PRSS37: variants seen among roughly 807,000 people sequenced by gnomAD.
PRSS37 encodes the protein probable inactive serine protease 37.
In PRSS37, 25 loss-of-function variants were observed where a neutral mutation model predicts 28.0. That is an observed-to-expected ratio of 0.89 (90% CI 0.65 to 1.25). The LOEUF (loss-of-function observed/expected upper bound fraction) is 1.25. Among genes scored for constraint, PRSS37 ranks in the 50% most tolerant of loss-of-function variants. The pLI is 0.00. For synonymous variants in PRSS37, 109 were observed against 107.8 expected (o/e 1.01, Z -0.07); for missense variants, 282 against 292.2 (o/e 0.97, Z 0.25).
chr7:141,837,772 C>A, intron 3 of PRSS37, 88 bp downstream of exon 3: 1 of 1,560,636 alleles, frequency 6.4e-7, no homozygotes, highest in East Asian at 2.3e-5. Context: ...ACTCTCCTTT[C>A]CTCCTCTCTC....
chr7:141,840,311 A>G (rs990919179), intron 1 of PRSS37, among the ~76,000 whole-genome samples: 1 of 152,182 alleles, frequency 6.6e-6, no homozygotes, highest in African/African-American at 2.4e-5. Flanking sequence ...TCAGAAATAA[A>G]GCCCTCTTCT....
intron 4 of PRSS37, 97 bp downstream of exon 4, chr7:141,837,015 A>C: frequency 7.6e-7 from 1 of 1,324,336 alleles, no homozygotes; most frequent in Non-Finnish European, 1.1e-6. Context: ...AATTCTCAAA[A>C]AATTATTTAG....
At chr7:141,837,018 T>A in intron 4 of PRSS37, 94 bp downstream of exon 4, 1 of 1,325,938 alleles carries the variant, frequency 7.5e-7, no homozygotes, top group Non-Finnish European at 1.1e-6. Context: ...TCTCAAAAAA[T>A]TATTTAGACA....
intron 3 of PRSS37, 102 bp from the exon 4 acceptor site, chr7:141,837,350 T>C: frequency 7.2e-7 from 1 of 1,387,060 alleles, no homozygotes; most frequent in South Asian, 1.4e-5. Context: ...TTGTGTGTGT[T>C]TAAAGAAAAT....
At position 141,837,993 on chromosome 7, in the gene PRSS37, G is replaced by A; in HGVS notation, c.297C>T (p.Asp99=). 3 of 1,614,120 alleles carry A rather than the reference G, an allele frequency of 1.9e-6. No individual in the cohort carries two copies. Among genetic ancestry groups the A allele is most frequent in the Non-Finnish European group, 2.5e-6 (3 of 1,180,014 alleles). The change falls in exon 3 of 5, where the codon GAC becomes GAT. Residue 99 remains aspartate (D), a synonymous_variant. Transcript: ENST00000350549. ...GCTTAGCCAGCTTGATGAGCATGAGGTCATCCTGTGGGGCGCTATGACTGT... is the reference window on the plus strand; with the variant it reads ...GCTTAGCCAGCTTGATGAGCATGAGATCATCCTGTGGGGCGCTATGACTGT... ...WNYSHSAPQD[D]LMLIKLAKPA...
In PRSS37 at chr7:141,839,496, C is replaced by T. The variant is rs1356568086; in HGVS notation, c.35-17G>A. ...AAAATGTCCCTGAGAAAATAATGAACATTCTTAATACATAAATATTATAAA... is the reference window on the plus strand; with the variant it reads ...AAAATGTCCCTGAGAAAATAATGAATATTCTTAATACATAAATATTATAAA... On this transcript the variant is annotated splice_polypyrimidine_tract_variant and intron_variant, in intron 1 of 4. Transcript: ENST00000350549. 1.3e-6 allele frequency: 2 copies of T among 1,581,698 alleles called. No individual in the cohort carries two copies. Among genetic ancestry groups the T allele is most frequent in the African/African-American group, 1.4e-5 (1 of 73,982 alleles).
Position 141,837,194 on chromosome 7 carries a change from T to C in PRSS37, c.485A>G (p.Glu162Gly). 2 of 1,613,244 alleles carry C rather than the reference T, an allele frequency of 1.2e-6. No individual in the cohort carries two copies. The highest frequency in any genetic ancestry group is 2.2e-5 in the South Asian group (2 of 90,742). ...TTTTCCTTGTTCTGTTTTTTGGCATTCTCGATCAGACATCACGGGGGCCTC... is the reference window on the plus strand; with the variant it reads ...TTTTCCTTGTTCTGTTTTTTGGCATCCTCGATCAGACATCACGGGGGCCTC... ...NLEAPVMSDR[E>G]CQKTEQGKSH... Residue 162 changes from glutamate to glycine, a missense_variant, in exon 4 of 5, where the codon GAA (glutamate) becomes GGA (glycine). By Grantham distance (98) the Glu-to-Gly change is moderately conservative. Transcript: ENST00000350549.
Position 141,837,245 on chromosome 7 carries a change from C to G in PRSS37, c.434G>C (p.Arg145Pro). The G allele has an allele frequency of 6.2e-7, 1 of 1,602,152 alleles. No homozygotes were observed. Among genetic ancestry groups the G allele is most frequent in the Non-Finnish European group, 8.5e-7 (1 of 1,175,746 alleles). The change falls in exon 4 of 5, where the codon CGA (arginine) becomes CCA (proline). Residue 145 changes from arginine (R) to proline (P), a missense_variant. By Grantham distance (103) the Arg-to-Pro change is moderately radical. Coordinates refer to ENST00000350549, the MANE Select transcript of PRSS37 (RefSeq NM_001008270.3). ...CAGGTTCTGCCGCAAGTCAGGGTGT[C>G]GGCCTGAGGGAGACGGGGATAAAAT... ...GLDWSQENSG[R>P]HPDLRQNLEA...
chr7:141,841,367 T>C lies in PRSS37; in HGVS notation c.-318A>G. ...CACATCTGTTTGAAGGTAGTTCAGT[T>C]GTCTGTGGAAATGGCAGCTCTAGGC... is the stretch of plus-strand genomic sequence containing the variant. On this transcript the variant is annotated 5_prime_UTR_variant, in exon 1 of 5. Transcript: ENST00000350549. 2.9e-6 allele frequency: 1 copy of C among 344,548 alleles called. No homozygotes were observed. Among genetic ancestry groups the C allele is most frequent in the Admixed American group, 4.1e-5 (1 of 24,462 alleles). 21.3% of individuals were successfully genotyped at this position (344,548 alleles called of 1,614,324 possible).
At position 141,836,681 on chromosome 7, in the gene PRSS37, T is replaced by C. The variant is rs1024187189; in HGVS notation, c.568-146A>G. ...AAGAGCACCGAATCAGGGGACAGGATGCTTGAGCCTTTTTTCTCATTTTGC... is the reference window on the plus strand; with the variant it reads ...AAGAGCACCGAATCAGGGGACAGGACGCTTGAGCCTTTTTTCTCATTTTGC... On this transcript the variant is annotated intron_variant, in intron 4 of 4. Transcript: ENST00000350549. The C allele has an allele frequency of 4.7e-6, 4 of 848,308 alleles. No homozygotes were observed. The African/African-American group carries it at 6.9e-5, about 15-fold the overall frequency. The allele number at this position is 848,308 out of a possible 1,614,324, so 52.5% of individuals were successfully genotyped here.
At chr7:141,837,279 C>T in intron 3 of PRSS37, 31 bp from the exon 4 acceptor site, 2 of 1,570,398 alleles carry the variant, frequency 1.3e-6, no homozygotes, top group South Asian at 2.4e-5. Flanking sequence ...ATAAAACATC[C>T]TGTTGACAGT....
At chr7:141,840,017 G>T (rs1801103543) in intron 1 of PRSS37, among the ~76,000 whole-genome samples, 1 of 151,988 alleles carries the variant, frequency 6.6e-6, no homozygotes, top group Non-Finnish European at 1.5e-5. Flanking sequence ...AACAGCAAAA[G>T]AATATTAATG....
intron 3 of PRSS37, chr7:141,837,531 A>G (rs969742325): frequency 6.8e-7 from 1 of 1,464,884 alleles, no homozygotes; most frequent in Non-Finnish European, 9.2e-7. Flanking sequence ...TTACATGTGA[A>G]ATGAGCATGT....
chr7:141,840,084 CAA>C (rs928065823), intron 1 of PRSS37, among the ~76,000 whole-genome samples: 1 of 151,786 alleles, frequency 6.6e-6, no homozygotes, highest in African/African-American at 2.4e-5. Flanking sequence ...TGTCTAAAAA[CAA>C]ATAAATAAAA....
At chr7:141,837,821 C>T in intron 3 of PRSS37, 39 bp downstream of exon 3, 3 of 1,588,118 alleles carry the variant, frequency 1.9e-6, no homozygotes, top group Non-Finnish European at 1.7e-6. Context: ...TCCTAAAGGA[C>T]AACTGATGAC....
chr7:141,838,201 C>G (rs1801032024), intron 2 of PRSS37, 88 bp from the exon 3 acceptor site: 1 of 1,566,578 alleles, frequency 6.4e-7, no homozygotes, highest in Non-Finnish European at 8.7e-7. Flanking sequence ...GGAACTGTAC[C>G]AAGTGCTTTT....
At chr7:141,838,980 C>G (rs1257996914) in intron 2 of PRSS37, 1 of 470,010 alleles carries the variant, frequency 2.1e-6, no homozygotes, top group Admixed American at 2.3e-5. Context: ...CCTGCTAGAT[C>G]TTTAAGTGAT....
intron 2 of PRSS37, chr7:141,838,980 C>T (rs1257996914): frequency 8.5e-6 from 4 of 469,898 alleles, no homozygotes; most frequent in African/African-American, 8.0e-5. Flanking sequence ...CCTGCTAGAT[C>T]TTTAAGTGAT....
intron 2 of PRSS37, chr7:141,839,091 A>G (rs1801072085): frequency 4.7e-6 from 3 of 633,230 alleles, no homozygotes; most frequent in South Asian, 3.2e-5. Context: ...CAGTGGCACT[A>G]TTGCTGTTCT....
Sources: allele counts gnomAD v4.1 joint callset (sites outside exome capture counted in the v4.1 genomes callset), GRCh38; gene constraint gnomAD v4.1.1; transcripts MANE v1.5; gene names NCBI Gene and HGNC (gene_info 2026-07-23, HGNC 2026-07-21).